Variants in LRRC49 observed in about 807,000 individuals in gnomAD.
LRRC49 encodes the protein leucine-rich repeat-containing protein 49.
Under a neutral mutation model 83.3 loss-of-function variants are expected in LRRC49, and 50 were observed. The observed-to-expected ratio is 0.60, with a 90% CI of 0.48 to 0.76. LRRC49 has a LOEUF of 0.76. Among genes scored for constraint, LRRC49 ranks in the 30% least tolerant of loss-of-function variants. The probability of loss-of-function intolerance (pLI) is 0.00; values close to 1 mark genes in which losing one functional copy is unlikely to be tolerated. For synonymous variants in LRRC49, 286 were observed against 283.3 expected, an observed-to-expected ratio of 1.01 and a Z score of -0.10; for missense variants, 704 against 809.1, an observed-to-expected ratio of 0.87 and a Z score of 1.58.
Position 70,937,811 on chromosome 15 carries a change from C to T in LRRC49, c.773+989C>T, listed in dbSNP as rs375356830. ...AAATACTCTTTCTCTTTTTTCTCTTCTGTGGGAAAAAATATTAAAGTTTTT... is the reference window on the plus strand; with the variant it reads ...AAATACTCTTTCTCTTTTTTCTCTTTTGTGGGAAAAAATATTAAAGTTTTT... On this transcript the variant is annotated intron_variant, in intron 8 of 15. Transcript: ENST00000260382. Among the ~76,000 whole-genome samples the T allele has an allele frequency of 3.2e-4, 48 of 151,980 alleles. 1 individual carries two copies. The highest frequency in any genetic ancestry group is 1.1e-3 in the African/African-American group (45 of 41,516).
chr15:70,949,849 G>A (rs568671649), intron 8 of LRRC49, among the ~76,000 whole-genome samples: 40 of 151,918 alleles, frequency 2.6e-4, no homozygotes, highest in Admixed American at 2.0e-3. Flanking sequence ...CTACATATGC[G>A]GGTTTGTTAC....
intron 5 of LRRC49, 46 bp downstream of exon 5, chr15:70,904,801 A>G (rs1567044765): frequency 7.2e-7 from 1 of 1,381,316 alleles, no homozygotes; most frequent in East Asian, 2.3e-5. Context: ...TATGTGTAGG[A>G]TTAATGTGGA....
At chr15:70,897,568 A>G (rs1046158785) in intron 3 of LRRC49, among the ~76,000 whole-genome samples, 1 of 152,194 alleles carries the variant, frequency 6.6e-6, no homozygotes, top group South Asian at 2.1e-4. Context: ...GAAAAATTGT[A>G]AGTAGCACCT....
chr15:70,936,532 C>G lies in LRRC49; in HGVS notation c.712-229C>G, dbSNP rs143960523. On this transcript the variant is annotated intron_variant, in intron 7 of 15. Transcript: ENST00000260382. Reference sequence around the variant, plus strand: ...TAGCGGCAGCGTCTCTCCCTGTCTCCTCAGTGCTTTTTACCTTGCGAGTGG... The same window carrying G: ...TAGCGGCAGCGTCTCTCCCTGTCTCGTCAGTGCTTTTTACCTTGCGAGTGG... 2.0e-3 allele frequency: 877 copies of G among 437,676 alleles called. 6 individuals carry two copies. Among genetic ancestry groups the G allele is most frequent in the East Asian group, 1.8e-3 (56 of 30,632 alleles). The allele number at this position is 437,676 out of a possible 1,614,324, so 27.1% of individuals were successfully genotyped here. A position where few individuals can be genotyped will look rare whatever the true frequency, so the allele number is the denominator to read the frequency against.
intron 2 of LRRC49, among the ~76,000 whole-genome samples, chr15:70,884,510 G>A (rs1274747054): frequency 6.6e-6 from 1 of 151,650 alleles, no homozygotes; most frequent in Non-Finnish European, 1.5e-5. Context: ...ACAGAGTGAG[G>A]CTCTGTTTCA....
intron 6 of LRRC49, among the ~76,000 whole-genome samples, chr15:70,913,361 A>G (rs2034629862): frequency 6.6e-6 from 1 of 152,208 alleles, no homozygotes; most frequent in Non-Finnish European, 1.5e-5. Context: ...AATCTAGTTC[A>G]GCCTGATGTG....
intron 8 of LRRC49, among the ~76,000 whole-genome samples, chr15:70,949,813 T>G (rs2036149475): frequency 6.6e-6 from 1 of 152,166 alleles, no homozygotes; most frequent in Admixed American, 6.5e-5. Context: ...TTGTTTTTAT[T>G]TATTTTTAAA....
chr15:70,999,604 T>A (rs2038192356), intron 11 of LRRC49, among the ~76,000 whole-genome samples: 1 of 152,196 alleles, frequency 6.6e-6, no homozygotes, highest in Non-Finnish European at 1.5e-5. Context: ...AACCTGAAGA[T>A]CAGCCAGGGG....
At chr15:70,971,600 T>C (rs1196927672) in intron 9 of LRRC49, among the ~76,000 whole-genome samples, 1 of 152,090 alleles carries the variant, frequency 6.6e-6, no homozygotes, top group Non-Finnish European at 1.5e-5. Flanking sequence ...TGTGTGGGAG[T>C]CTAAGTCTCC....
At position 70,982,246 on chromosome 15, in the gene LRRC49, T is replaced by C. The variant is rs571224970; in HGVS notation, c.1006-1848T>C. Among the ~76,000 whole-genome samples, 10 of 152,216 alleles carry C rather than the reference T, an allele frequency of 6.6e-5. No homozygotes were observed. The South Asian group carries it at 1.9e-3, about 28-fold the overall frequency. On this transcript the variant is annotated intron_variant, in intron 10 of 15. Coordinates refer to ENST00000260382, the MANE Select transcript of LRRC49 (RefSeq NM_017691.5). ...TCTGAGTATTTCTTTCGCCTACCCC[T>C]GCCAGCCAGAAATCCAAAAGCATGA...
chr15:70,872,904 TTAG>T lies in LRRC49; in HGVS notation c.-298-3_-298-1del. On this transcript the variant is annotated splice_acceptor_variant and splice_polypyrimidine_tract_variant and intron_variant, in intron 1 of 16. Coordinates refer to the LRRC49 transcript ENST00000544974. LOFTEE classifies it low-confidence loss of function (5UTR_SPLICE). Reference sequence around the variant, plus strand: ...ATAACTTTTTTTTTTTTTTTTTTTTTTAGATGGAGTCTCACTCTGTCGCCTAGG... The same window carrying T: ...ATAACTTTTTTTTTTTTTTTTTTTTTATGGAGTCTCACTCTGTCGCCTAGG... The T allele has an allele frequency of 1.1e-5, 2 of 182,484 alleles. No homozygotes were observed. The highest frequency in any genetic ancestry group is 1.2e-5 in the Non-Finnish European group (1 of 86,220). 11.3% of individuals were successfully genotyped at this position (182,484 alleles called of 1,614,324 possible).
chr15:70,864,345 A>G (rs2032865291), intron 1 of LRRC49, among the ~76,000 whole-genome samples: 1 of 152,014 alleles, frequency 6.6e-6, no homozygotes, highest in Non-Finnish European at 1.5e-5. Context: ...TGCACATTCT[A>G]AAGACACCGA....
intron 1 of LRRC49, among the ~76,000 whole-genome samples, chr15:70,855,108 C>G (rs1300350555): frequency 6.6e-6 from 1 of 151,988 alleles, no homozygotes; most frequent in Non-Finnish European, 1.5e-5. Context: ...CCCAGGCGGG[C>G]GGATCACGAG....
chr15:70,866,961 A>G (rs2032926988), intron 1 of LRRC49, among the ~76,000 whole-genome samples: 1 of 151,810 alleles, frequency 6.6e-6, no homozygotes, highest in Non-Finnish European at 1.5e-5. Context: ...TGGCCTTTGG[A>G]AAGTCTTTGG....
At chr15:70,939,638 G>A (rs779613583) in intron 8 of LRRC49, among the ~76,000 whole-genome samples, 9 of 152,132 alleles carry the variant, frequency 5.9e-5, no homozygotes, top group African/African-American at 1.9e-4. Flanking sequence ...AATGAGGTAC[G>A]TTGTCTGTAA....
At chr15:70,982,595 A>C (rs1469407161) in intron 10 of LRRC49, among the ~76,000 whole-genome samples, 1 of 152,122 alleles carries the variant, frequency 6.6e-6, no homozygotes, top group Admixed American at 6.6e-5. Flanking sequence ...CAAACAACAG[A>C]AAAAAAGAAA....
intron 8 of LRRC49, among the ~76,000 whole-genome samples, chr15:70,947,620 C>T (rs1475131177): frequency 6.6e-6 from 1 of 152,180 alleles, no homozygotes; most frequent in Non-Finnish European, 1.5e-5. Flanking sequence ...CCTTAATGTT[C>T]AAAATTGTGT....
chr15:71,013,831 TGCCTCC>T (rs2038738832), intron 14 of LRRC49, among the ~76,000 whole-genome samples: 1 of 152,154 alleles, frequency 6.6e-6, no homozygotes, highest in Non-Finnish European at 1.5e-5. Flanking sequence ...CAAAGGAAAC[TGCCTCC>T]TTGCTATGGT....
At chr15:70,959,399 G>T (rs1301510662) in intron 8 of LRRC49, among the ~76,000 whole-genome samples, 3 of 152,014 alleles carry the variant, frequency 2.0e-5, no homozygotes, top group Middle Eastern at 3.4e-3. Context: ...GCCGAGGCAG[G>T]AAAATCGCTT....
Sources: allele counts gnomAD v4.1 joint callset (sites outside exome capture counted in the v4.1 genomes callset), GRCh38; gene constraint gnomAD v4.1.1; transcripts MANE v1.5; gene names NCBI Gene and HGNC (gene_info 2026-07-23, HGNC 2026-07-21).